The following BRSK2 variants were observed in gnomAD, a reference collection of about 807,000 sequenced individuals.
BRSK2 encodes the protein BR serine/threonine kinase 2, also known as serine/threonine-protein kinase BRSK2.
A neutral mutation model predicts 83.3 loss-of-function variants in BRSK2; 19 were observed. The observed-to-expected ratio is 0.23, with a 90% CI of 0.16 to 0.33. The LOEUF (loss-of-function observed/expected upper bound fraction) is 0.33. Among genes scored for constraint, BRSK2 ranks in the 10% least tolerant of loss-of-function variants. The pLI is 1.00. For synonymous variants in BRSK2, 519 were observed against 435.4 expected (o/e 1.19, Z -2.39); for missense variants, 798 against 1,042.3 (o/e 0.77, Z 3.23).
Position 1,445,893 on chromosome 11 carries a change from C to T in BRSK2, c.1212C>T (p.Ala404=), listed in dbSNP as rs1162042332. ...PVPARRAIEM[A]QHGQRSRSIS... is the part of the protein sequence containing the mutation. ...CTGCGCGGCGGGCCATTGAGATGGC[C>T]CAGCACGGCCAGAGGTGTGTGTGCC... The change falls in exon 12 of 20, where the codon GCC becomes GCT. Residue 404 remains alanine, a synonymous_variant. Transcript: ENST00000528841. 2 of 1,609,592 alleles carry T rather than the reference C, an allele frequency of 1.2e-6. No homozygotes were observed. The highest frequency in any genetic ancestry group is 1.7e-4 in the Middle Eastern group (1 of 6,044).
chr11:1,461,119 C>G lies in BRSK2; in HGVS notation c.*396C>G. ...CGCCCCGTCCACCCCGCGGCAGCTC[C>G]TCGCCTCAGCTCCGCACGGCCCGTG... On this transcript the variant is annotated 3_prime_UTR_variant, in exon 20 of 20. Transcript: ENST00000528841. 7.3e-7 allele frequency: 1 copy of G among 1,370,642 alleles called. No individual in the cohort carries two copies. The highest frequency in any genetic ancestry group is 2.5e-5 in the East Asian group (1 of 40,074). 84.9% of individuals were successfully genotyped at this position (1,370,642 alleles called of 1,614,324 possible).
chr11:1,419,652 T>C (rs1848456916), intron 1 of BRSK2, among the ~76,000 whole-genome samples: 2 of 152,250 alleles, frequency 1.3e-5, no homozygotes, highest in African/African-American at 4.8e-5. Flanking sequence ...GGCTCACGCC[T>C]GTAATCCCAG....
At chr11:1,451,286 C>T in intron 14 of BRSK2, 85 bp from the exon 15 acceptor site, 10 of 1,520,732 alleles carry the variant, frequency 6.6e-6, no homozygotes, top group Non-Finnish European at 9.1e-6. Context: ...CTCCTGATGA[C>T]CCTGACCTCG....
At chr11:1,402,380 T>TG (rs948595510) in intron 1 of BRSK2, among the ~76,000 whole-genome samples, 4 of 152,212 alleles carry the variant, frequency 2.6e-5, no homozygotes, top group Non-Finnish European at 5.9e-5. Flanking sequence ...AAGGTGGCCT[T>TG]GGGGGTGGAT....
At chr11:1,411,133 G>T in intron 1 of BRSK2, 4 of 1,213,016 alleles carry the variant, frequency 3.3e-6, no homozygotes, top group Non-Finnish European at 2.0e-6. Context: ...GATCCTCAGG[G>T]GCCTAGGGTG....
intron 1 of BRSK2, among the ~76,000 whole-genome samples, chr11:1,426,357 T>C (rs1049530664): frequency 6.6e-6 from 1 of 151,842 alleles, no homozygotes; most frequent in Non-Finnish European, 1.5e-5. Context: ...TGGGCTTGGA[T>C]CTGTGGGGTG....
Position 1,438,052 on chromosome 11 carries a change from C to T in BRSK2, c.187-254C>T, listed in dbSNP as rs936001475. Among the ~76,000 whole-genome samples, 38 of 148,794 alleles carry T rather than the reference C, an allele frequency of 2.6e-4. No individual in the cohort carries two copies. Among genetic ancestry groups the T allele is most frequent in the African/African-American group, 9.3e-4 (37 of 39,852 alleles). ...ATCCCCCACAGCTGGCACCAAAGGC[C>T]CCTGCGTCCCCCACAGCTGGCACCA... On this transcript the variant is annotated intron_variant, in intron 2 of 19. Coordinates refer to ENST00000528841, the MANE Select transcript of BRSK2 (RefSeq NM_001256627.2). This position sits in a 1 kb window ranked among gnomAD's most constrained non-coding sequence, Gnocchi z 6.4.
At chr11:1,391,317 C>A (rs528877508) in intron 1 of BRSK2, among the ~76,000 whole-genome samples, 11 of 152,292 alleles carry the variant, frequency 7.2e-5, no homozygotes, top group Non-Finnish European at 2.9e-5. Context: ...CCTCTCCCTT[C>A]CAATCCGAGA....
At chr11:1,396,153 T>C (rs1846072490) in intron 1 of BRSK2, among the ~76,000 whole-genome samples, 1 of 151,940 alleles carries the variant, frequency 6.6e-6, no homozygotes, top group Non-Finnish European at 1.5e-5. Flanking sequence ...GTGCCAGGTG[T>C]GTGTGGACCC....
At chr11:1,448,940 G>A (rs1380700297) in intron 12 of BRSK2, among the ~76,000 whole-genome samples, 1 of 152,240 alleles carries the variant, frequency 6.6e-6, no homozygotes, top group Non-Finnish European at 1.5e-5. Context: ...GGCAGGCCTG[G>A]TGGGTAGTGC....
chr11:1,397,121 C>T (rs192981243), intron 1 of BRSK2, among the ~76,000 whole-genome samples: 3 of 152,330 alleles, frequency 2.0e-5, no homozygotes, highest in East Asian at 1.9e-4. Context: ...AGGGCAGCCC[C>T]GCTTTCACCT....
At chr11:1,415,337 GC>G (rs1056402349) in intron 1 of BRSK2, among the ~76,000 whole-genome samples, 34 of 152,166 alleles carry the variant, frequency 2.2e-4, no homozygotes, top group African/African-American at 7.5e-4. Flanking sequence ...CTCATGATCC[GC>G]CCGTCTGGGC....
At chr11:1,413,083 G>A (rs1847719689) in intron 1 of BRSK2, among the ~76,000 whole-genome samples, 1 of 152,144 alleles carries the variant, frequency 6.6e-6, no homozygotes, top group Admixed American at 6.5e-5. Flanking sequence ...GGGAGGATGG[G>A]GCTGGGCAGG....
At chr11:1,434,816 C>T (rs1208476438) in intron 1 of BRSK2, among the ~76,000 whole-genome samples, 1 of 152,146 alleles carries the variant, frequency 6.6e-6, no homozygotes, top group Non-Finnish European at 1.5e-5. Context: ...CATGGAATGG[C>T]ACATGAGTGC....
At position 1,450,608 on chromosome 11, in the gene BRSK2, A is replaced by G; in HGVS notation, c.1309A>G (p.Arg437Gly). ...ACAGGTGACCCCTCACCCCTCACCA[A>G]GGGGCAGTCCCCTCCCCACCCCCAA... Reference protein sequence around the residue: ...SPRVTPHPSPRGSPLPTPKGT... With the variant: ...SPRVTPHPSPGGSPLPTPKGT... The change falls in exon 14 of 20, where the codon AGG (arginine) becomes GGG (glycine). Residue 437 changes from arginine (R) to glycine (G), a missense_variant. By Grantham distance (125) the Arg-to-Gly change is moderately radical (BLOSUM62 -2). This residue lies in a region of BRSK2 where 455 missense variants were observed against 455.2 expected (regional missense o/e 1.00). Coordinates refer to ENST00000528841, the MANE Select transcript of BRSK2 (RefSeq NM_001256627.2). 1 of 1,589,060 alleles carries G rather than the reference A, an allele frequency of 6.3e-7. No homozygotes were observed. The highest frequency in any genetic ancestry group is 8.5e-7 in the Non-Finnish European group (1 of 1,170,126).
intron 1 of BRSK2, among the ~76,000 whole-genome samples, chr11:1,392,297 C>T (rs1388131567): frequency 1.3e-5 from 2 of 152,212 alleles, no homozygotes; most frequent in Non-Finnish European, 2.9e-5. Context: ...GGGCTTCTGG[C>T]CGCCACCACC....
intron 1 of BRSK2, among the ~76,000 whole-genome samples, chr11:1,401,338 G>A (rs1846464018): frequency 1.3e-5 from 2 of 152,368 alleles, no homozygotes; most frequent in East Asian, 1.9e-4. Flanking sequence ...GCTCACGCCC[G>A]GGGTGCGGGT....
At position 1,421,824 on chromosome 11, in the gene BRSK2, G is replaced by A. The variant is rs189941358; in HGVS notation, c.92-14216G>A. Among the ~76,000 whole-genome samples the A allele has an allele frequency of 1.7e-3, 260 of 152,316 alleles. 1 individual carries two copies. The highest frequency in any genetic ancestry group is 6.1e-3 in the African/African-American group (255 of 41,558). ...ATGAAGGAACAAGGCTTCAATGTCT[G>A]TGGCAACTTCAGAGGCCCCTCTCGG... On this transcript the variant is annotated intron_variant, in intron 1 of 19. Transcript: ENST00000528841.
At chr11:1,419,158 C>G (rs1375949923) in intron 1 of BRSK2, among the ~76,000 whole-genome samples, 50 of 145,118 alleles carry the variant, frequency 3.4e-4, no homozygotes, top group African/African-American at 1.2e-3. Flanking sequence ...CGGGGGGGGC[C>G]TTTGCTCAGC....
Sources: gnomAD v4.1 joint callset for allele counts (sites outside exome capture counted in the v4.1 genomes callset) on GRCh38, gnomAD v4.1.1 for gene constraint, gnomAD v4.1.1 regional missense constraint, Gnocchi (gnomAD v3.1) non-coding constraint, MANE v1.5 for transcripts, NCBI Gene and HGNC (gene_info 2026-07-23, HGNC 2026-07-21) for gene names.